LPCAT3: variants seen among roughly 807,000 people sequenced by gnomAD.
LPCAT3 encodes the protein lysophospholipid acyltransferase 5.
LPCAT3 carries 21 observed loss-of-function variants against 63.4 expected under a neutral mutation model. The ratio of observed to expected loss-of-function variants is 0.33; its 90% CI spans 0.23 to 0.48. The LOEUF is 0.48. Ranked by LOEUF, LPCAT3 falls within the 20% of genes least tolerant of loss-of-function variation. The pLI is 0.99. For missense variants in LPCAT3, 451 were observed against 590.6 expected (o/e 0.76, Z 2.45); for synonymous variants, 242 against 227.5 (o/e 1.06, Z -0.58).
chr12:6,982,732 G>C lies in LPCAT3; in HGVS notation c.310C>G (p.Leu104Val), dbSNP rs376479324. The C allele has an allele frequency of 6.2e-6, 10 of 1,613,990 alleles. No homozygotes were observed. The African/African-American group carries it at 1.3e-4, about 22-fold the overall frequency. The change falls in exon 3 of 13, where the codon CTT becomes GTT. Residue 104 changes from leucine (L) to valine (V), a missense_variant. This residue lies in a region of LPCAT3 where 133 missense variants were observed against 152.1 expected (regional missense o/e 0.87). Transcript: ENST00000261407. ...GTGATGGTGCGGCCCATTAGTCGAA[G>C]GATGAGGAACTGAAGCACAATACAC... ...LLCIVLQFLI[L>V]RLMGRTITAV...
Position 6,978,400 on chromosome 12 carries a change from G to A in LPCAT3, c.981C>T (p.Asn327=), listed in dbSNP as rs782679395. Residue 327 remains asparagine (N), a synonymous_variant, in exon 9 of 13, where the codon AAC becomes AAT. Coordinates refer to ENST00000261407, the MANE Select transcript of LPCAT3 (RefSeq NM_005768.6). ...ANMKVWLFET[N]PRFTGTIASF... ...AGGCAATGGTGCCAGTGAAGCGGGG[G>A]TTTGTTTCAAAGAGCCACACCTTCA... The A allele has an allele frequency of 6.2e-6, 10 of 1,613,678 alleles. No homozygotes were observed. The highest frequency in any genetic ancestry group is 8.5e-6 in the Non-Finnish European group (10 of 1,179,932).
chr12:6,994,688 C>T (rs1946622020), intron 1 of LPCAT3, among the ~76,000 whole-genome samples: 1 of 152,222 alleles, frequency 6.6e-6, no homozygotes, highest in South Asian at 2.1e-4. Context: ...CTCCTGAGCT[C>T]AAGCAATCTG....
intron 1 of LPCAT3, among the ~76,000 whole-genome samples, chr12:6,999,754 T>C (rs1946668443): frequency 6.6e-6 from 1 of 152,196 alleles, no homozygotes; most frequent in South Asian, 2.1e-4. Context: ...CTAGCAAAGA[T>C]AAAAATCACA....
intron 1 of LPCAT3, among the ~76,000 whole-genome samples, chr12:6,984,355 A>C (rs1946501421): frequency 6.6e-6 from 1 of 152,192 alleles, no homozygotes; most frequent in Admixed American, 6.5e-5. Flanking sequence ...CGGTCAATAA[A>C]ATTTGGTATT....
chr12:6,979,376 A>G (rs1233299070), intron 7 of LPCAT3, 95 bp downstream of exon 7: 9 of 900,554 alleles, frequency 1.0e-5, no homozygotes, highest in Middle Eastern at 3.1e-4. Context: ...CTTGTAGATG[A>G]TATTTCCTAC....
chr12:6,981,026 T>G lies in LPCAT3; in HGVS notation c.655A>C (p.Ile219Leu), dbSNP rs781900432. The G allele has an allele frequency of 1.9e-6, 3 of 1,602,046 alleles. No homozygotes were observed. The African/African-American group carries it at 4.0e-5, about 22-fold the overall frequency. The change falls in exon 6 of 13, where the codon ATA (isoleucine) becomes CTA (leucine). Residue 219 changes from isoleucine to leucine, a missense_variant. This residue lies in a region of LPCAT3 where 304 missense variants were observed against 390.8 expected (regional missense o/e 0.78). Transcript: ENST00000261407. ...TACCTGTTTGGTATCTTTCCTGGTA[T>G]GTCAATCAGCTCTCCCTGCACCAGC... The part of the protein sequence containing the change: ...MKLVQGELID[I>L]PGKIPNSIIP...
chr12:7,008,550 G>T (rs781861810), intron 1 of LPCAT3, among the ~76,000 whole-genome samples: 1 of 152,168 alleles, frequency 6.6e-6, no homozygotes, highest in South Asian at 2.1e-4. Context: ...GGTGGTTGAT[G>T]CAACACAAAA....
At chr12:6,980,481 A>G (rs782448374) in intron 6 of LPCAT3, among the ~76,000 whole-genome samples, 1 of 152,018 alleles carries the variant, frequency 6.6e-6, no homozygotes, top group East Asian at 1.9e-4. Context: ...TCAGCCTCCT[A>G]TGTAGCTTGG....
intron 1 of LPCAT3, chr12:6,997,102 A>T (rs1405152779): frequency 6.6e-6 from 1 of 152,210 alleles, no homozygotes; most frequent in Non-Finnish European, 1.5e-5. Context: ...AGGTCTTCAA[A>T]CCTTTTTGCT....
In LPCAT3 at chr12:7,017,223, C is replaced by T. The variant is rs115954269; in HGVS notation, c.151+1051G>A. On this transcript the variant is annotated intron_variant, in intron 1 of 12. Transcript: ENST00000261407. The surrounding 1 kb of genome is among the most constrained non-coding windows in gnomAD (Gnocchi z 4.1). ...TTTTGCTTAATCCTTCCCACTCACC[C>T]GCTCCTAAAGTTCTATAACCTTCAT... Among the ~76,000 whole-genome samples the T allele has an allele frequency of 9.4e-3, 1,431 of 152,292 alleles. 17 individuals carry two copies. Among genetic ancestry groups the T allele is most frequent in the African/African-American group, 0.033 (1,356 of 41,548 alleles).
At chr12:6,981,348 C>T in intron 5 of LPCAT3, 166 bp from the exon 6 acceptor site, 1 of 675,566 alleles carries the variant, frequency 1.5e-6, no homozygotes. Flanking sequence ...TATGTGTGTG[C>T]ATAGCTGGCT....
At chr12:7,005,252 G>A (rs781784545) in intron 1 of LPCAT3, among the ~76,000 whole-genome samples, 6 of 152,254 alleles carry the variant, frequency 3.9e-5, no homozygotes, top group African/African-American at 1.4e-4. Flanking sequence ...CATCTGTGTC[G>A]CAGCATGTGA....
At chr12:6,985,752 G>T (rs1442826436) in intron 1 of LPCAT3, among the ~76,000 whole-genome samples, 2 of 151,650 alleles carry the variant, frequency 1.3e-5, no homozygotes, top group Non-Finnish European at 2.9e-5. Flanking sequence ...TGATCTTCCT[G>T]GTGCCAGGAT....
rs1555153594 is a variant in LPCAT3 at position 6,978,379 on chromosome 12, A to G, written c.1002T>C (p.Ile334=). ...CGTTGGTGTTGATGTTGAATGAGGC[A>G]ATGGTGCCAGTGAAGCGGGGGTTTG... ...FETNPRFTGT[I]ASFNINTNAW... The change falls in exon 9 of 13, where the codon ATT becomes ATC. Residue 334 remains isoleucine, a synonymous_variant. Coordinates refer to ENST00000261407, the MANE Select transcript of LPCAT3 (RefSeq NM_005768.6). The G allele has an allele frequency of 1.2e-6, 2 of 1,613,492 alleles. No homozygotes were observed. Among genetic ancestry groups the G allele is most frequent in the Admixed American group, 1.7e-5 (1 of 59,964 alleles).
rs60056851 is a variant in LPCAT3, at chr12:6,981,649, C to T, written c.461-17G>A. 1.6e-5 allele frequency: 23 copies of T among 1,478,524 alleles called. No homozygotes were observed. The highest frequency in any genetic ancestry group is 9.1e-5 in the East Asian group (3 of 32,932). The allele number at this position is 1,478,524 out of a possible 1,614,324, so 91.6% of individuals were successfully genotyped here. A position where few individuals can be genotyped will look rare whatever the true frequency, so the allele number is the denominator to read the frequency against. ...CAGCCAAACCTGAGCAGAGAGAGAA[C>T]GGATGGGTAGGGTGGTGGGAGAGGA... On this transcript the variant is annotated splice_polypyrimidine_tract_variant and intron_variant, in intron 4 of 12. Coordinates refer to ENST00000261407, the MANE Select transcript of LPCAT3 (RefSeq NM_005768.6).
In LPCAT3 at chr12:6,977,070, T is replaced by G; in HGVS notation, c.*12+64A>C. On this transcript the variant is annotated intron_variant, in intron 12 of 12. Coordinates refer to ENST00000261407, the MANE Select transcript of LPCAT3 (RefSeq NM_005768.6). This position sits in a 1 kb window ranked among gnomAD's most constrained non-coding sequence, Gnocchi z 4.5. ...CCCCAGATTTCTAATACTATTGTTT[T>G]TTTCCAGTCTGTTGCTCTATTCTGT... The G allele has an allele frequency of 2.9e-6, 3 of 1,029,448 alleles. No homozygotes were observed. The highest frequency in any genetic ancestry group is 4.5e-6 in the Non-Finnish European group (3 of 660,626). The allele number at this position is 1,029,448 out of a possible 1,614,324, so 63.8% of individuals were successfully genotyped here.
intron 6 of LPCAT3, chr12:6,979,787 G>A (rs1426887212): frequency 8.6e-6 from 5 of 581,074 alleles, no homozygotes; most frequent in Non-Finnish European, 1.5e-5. Flanking sequence ...CCTCTTAAGA[G>A]TTGTAGGAAA....
chr12:6,979,456 T>G lies in LPCAT3; in HGVS notation c.786+15A>C. On this transcript the variant is annotated intron_variant, in intron 7 of 12. Transcript: ENST00000261407. ...CTGGTGCAGTCATGCTGCTGCTGCT[T>G]TAGTAGACACTCACGTCATAGTCTT... The G allele has an allele frequency of 6.3e-7, 1 of 1,576,940 alleles. No homozygotes were observed. Among genetic ancestry groups the G allele is most frequent in the Non-Finnish European group, 8.7e-7 (1 of 1,146,116 alleles).
intron 1 of LPCAT3, among the ~76,000 whole-genome samples, chr12:7,003,568 T>A (rs1946704637): frequency 6.6e-6 from 1 of 152,166 alleles, no homozygotes; most frequent in African/African-American, 2.4e-5. Context: ...CTGAGTTTCA[T>A]AAGCCATTTT....
Sources: allele counts gnomAD v4.1 joint callset (sites outside exome capture counted in the v4.1 genomes callset), GRCh38; gene constraint gnomAD v4.1.1; regional missense constraint gnomAD v4.1.1; non-coding constraint Gnocchi (gnomAD v3.1); transcripts MANE v1.5; gene names NCBI Gene and HGNC (gene_info 2026-07-23, HGNC 2026-07-21).